Variants in VPS25 observed in about 807,000 individuals in gnomAD.
VPS25 encodes vacuolar protein sorting 25 homolog.
In VPS25, 21 loss-of-function variants were observed where a neutral mutation model predicts 30.3. The ratio of observed to expected loss-of-function variants is 0.69; its 90% CI spans 0.49 to 1.00. The LOEUF is 1.00. Among genes scored for constraint, VPS25 ranks in the 50% least tolerant of loss-of-function variants. VPS25 has a pLI of 0.00. For synonymous variants in VPS25, 101 were observed against 88.1 expected (o/e 1.15, Z -0.82); for missense variants, 156 against 217.2 (o/e 0.72, Z 1.77).
chr17:42,778,062 C>T (rs1297461820), intron 5 of VPS25, among the ~76,000 whole-genome samples: 1 of 152,168 alleles, frequency 6.6e-6, no homozygotes, highest in Admixed American at 6.5e-5. Context: ...AGCTCCCTGA[C>T]TTAGCTGAGC....
chr17:42,776,214 C>T, intron 4 of VPS25, 31 bp from the exon 5 acceptor site: 2 of 1,593,032 alleles, frequency 1.3e-6, no homozygotes. Flanking sequence ...ATTCTTGGTT[C>T]TAATTCACTC....
At position 42,774,650 on chromosome 17, in the gene VPS25, G is replaced by A. The variant is rs537665259; in HGVS notation, c.204G>A (p.Lys68=). The change falls in exon 3 of 6, where the codon AAG becomes AAA. Residue 68 remains lysine, a synonymous_variant. Coordinates refer to ENST00000253794, the MANE Select transcript of VPS25 (RefSeq NM_032353.4). ...GTTCCCTTAACCTTAAACCAGGAAAGCTTCCTGTGGAGTCGATCCAGATTG... is the reference window on the plus strand; with the variant it reads ...GTTCCCTTAACCTTAAACCAGGAAAACTTCCTGTGGAGTCGATCCAGATTG... The part of the protein sequence containing the change: ...PLFNNVKLQR[K]LPVESIQIVL... 82 of 1,612,444 alleles carry A rather than the reference G, an allele frequency of 5.1e-5. No homozygotes were observed. The highest frequency in any genetic ancestry group is 6.8e-5 in the Non-Finnish European group (80 of 1,178,802).
intron 3 of VPS25, chr17:42,775,051 T>G: frequency 2.8e-6 from 1 of 357,834 alleles, no homozygotes; most frequent in Non-Finnish European, 5.1e-6. Context: ...TGATACTTTT[T>G]TTTTGGGTGG....
At chr17:42,774,799 T>G in intron 3 of VPS25, 100 bp downstream of exon 3, 2 of 1,123,200 alleles carry the variant, frequency 1.8e-6, no homozygotes, top group Non-Finnish European at 2.6e-6. Flanking sequence ...TTTTTCTCTC[T>G]CCTGGCTTGA....
At position 42,773,729 on chromosome 17, in the gene VPS25, G is replaced by A. The variant is rs1160100834; in HGVS notation, c.54-4G>A. On this transcript the variant is annotated splice_polypyrimidine_tract_variant and splice_region_variant and intron_variant, in intron 1 of 5. Coordinates refer to ENST00000253794, the MANE Select transcript of VPS25 (RefSeq NM_032353.4). ...TTCTGCGCCCCACTCCCTTCACCCG[G>A]CAGGTTACAACCGAATGTGGACACT... 1.9e-6 allele frequency: 3 copies of A among 1,613,396 alleles called. No individual in the cohort carries two copies. In the Admixed American group the frequency reaches 5.0e-5, roughly 27 times the overall value.
chr17:42,774,527 A>T, intron 2 of VPS25, 119 bp from the exon 3 acceptor site: 1 of 666,466 alleles, frequency 1.5e-6, no homozygotes, highest in Non-Finnish European at 2.6e-6. Context: ...CATGTTGGGA[A>T]ATTGCACACA....
At chr17:42,778,027 A>G (rs1233804915) in intron 5 of VPS25, among the ~76,000 whole-genome samples, 4 of 152,060 alleles carry the variant, frequency 2.6e-5, no homozygotes, top group Admixed American at 6.5e-5. Context: ...AGGTTGGGCA[A>G]AGTTGTAGGT....
chr17:42,774,769 G>C (rs1352618338), intron 3 of VPS25, 70 bp downstream of exon 3: 2 of 1,409,194 alleles, frequency 1.4e-6, no homozygotes, highest in Admixed American at 1.9e-5. Context: ...ATTAGGATAA[G>C]TCTTTTTCCC....
intron 2 of VPS25, 49 bp downstream of exon 2, chr17:42,773,927 CT>C: frequency 6.4e-7 from 1 of 1,574,714 alleles, no homozygotes; most frequent in Non-Finnish European, 8.6e-7. Context: ...CACTTCTGCG[CT>C]TTCACACATG....
chr17:42,774,598 T>G (rs1203803978), intron 2 of VPS25, 48 bp from the exon 3 acceptor site: 2 of 1,577,170 alleles, frequency 1.3e-6, no homozygotes, highest in Non-Finnish European at 1.7e-6. Context: ...CTGAAAATTT[T>G]TATCCTACCC....
At chr17:42,775,744 C>CTG (rs1196613799) in intron 4 of VPS25, among the ~76,000 whole-genome samples, 1 of 152,124 alleles carries the variant, frequency 6.6e-6, no homozygotes, top group African/African-American at 2.4e-5. Context: ...CTATTGTTGG[C>CTG]TGGAGCCTCT....
intron 1 of VPS25, 102 bp from the exon 2 acceptor site, chr17:42,773,631 T>C: frequency 6.2e-7 from 1 of 1,605,618 alleles, no homozygotes; most frequent in African/African-American, 1.3e-5. Flanking sequence ...AAAAGACCCG[T>C]CGGCCAACAC....
chr17:42,774,050 G>GT (rs2054424080), intron 2 of VPS25, 172 bp downstream of exon 2: 1 of 733,378 alleles, frequency 1.4e-6, no homozygotes, highest in Non-Finnish European at 2.2e-6. Flanking sequence ...GGCAAATGCA[G>GT]TACCATACCC....
At position 42,778,966 on chromosome 17, in the gene VPS25, G is replaced by A. The variant is rs533217393; in HGVS notation, c.428G>A (p.Gly143Glu). 1.9e-6 allele frequency: 3 copies of A among 1,613,996 alleles called. No homozygotes were observed. The highest frequency in any genetic ancestry group is 2.5e-6 in the Non-Finnish European group (3 of 1,179,924). Reference protein sequence around the residue: ...GEDTEDEEFHGLDEATLLRAL... With the variant: ...GEDTEDEEFHELDEATLLRAL... ...ATCTCTCCCTGTTCAGAGTTCCACG[G>A]GCTGGATGAAGCCACTCTACTGCGG... The change falls in exon 6 of 6, where the codon GGG becomes GAG. Residue 143 changes from glycine to glutamate, a missense_variant. Coordinates refer to ENST00000253794, the MANE Select transcript of VPS25 (RefSeq NM_032353.4).
chr17:42,775,347 C>T, intron 3 of VPS25, 34 bp from the exon 4 acceptor site: 1 of 1,587,094 alleles, frequency 6.3e-7, no homozygotes, highest in Non-Finnish European at 8.6e-7. Context: ...CCACTGCGCG[C>T]CTGGTTATGC....
At chr17:42,777,835 CA>C (rs1041163286) in intron 5 of VPS25, among the ~76,000 whole-genome samples, 13 of 152,234 alleles carry the variant, frequency 8.5e-5, no homozygotes, top group African/African-American at 3.1e-4. Flanking sequence ...TCCTCTGGAT[CA>C]CCACAAGTTT....
In VPS25 at chr17:42,773,495, G is replaced by A. The variant is rs1279595553; in HGVS notation, c.20G>A (p.Trp7Ter). The A allele has an allele frequency of 6.2e-7, 1 of 1,614,140 alleles. No homozygotes were observed. Among genetic ancestry groups the A allele is most frequent in the Non-Finnish European group, 8.5e-7 (1 of 1,180,010 alleles). The change falls in exon 1 of 6, where the codon TGG becomes TAG. Residue 7 changes from tryptophan (W) to a stop codon, truncating the protein, a stop_gained. Coordinates refer to ENST00000253794, the MANE Select transcript of VPS25 (RefSeq NM_032353.4). LOFTEE classifies it high-confidence loss of function. Reference sequence around the variant, plus strand: ...ACTACGATGGCGATGAGTTTCGAGTGGCCGTGGCAGTATCGCTTCCCACCC... The same window carrying A: ...ACTACGATGGCGATGAGTTTCGAGTAGCCGTGGCAGTATCGCTTCCCACCC... The part of the protein sequence containing the change: MAMSFE[W>*]PWQYRFPPFF...
chr17:42,773,889 T>G lies in VPS25; in HGVS notation c.199+11T>G, dbSNP rs1239243721. 6.2e-7 allele frequency: 1 copy of G among 1,610,590 alleles called. No individual in the cohort carries two copies. ...ACGTCAAGCTACAGCGTATCCTCCCTCAGGCTCTTCCACAGCCCATACACA... is the reference window on the plus strand; with the variant it reads ...ACGTCAAGCTACAGCGTATCCTCCCGCAGGCTCTTCCACAGCCCATACACA... On this transcript the variant is annotated intron_variant, in intron 2 of 5. Transcript: ENST00000253794.
At chr17:42,773,963 C>G (rs755890469) in intron 2 of VPS25, 85 bp downstream of exon 2, 1 of 1,488,700 alleles carries the variant, frequency 6.7e-7, no homozygotes, top group African/African-American at 1.4e-5. Flanking sequence ...CGCGCCAGCC[C>G]CCTTTTACCC....
Sources: gnomAD v4.1 joint callset for allele counts (sites outside exome capture counted in the v4.1 genomes callset) on GRCh38, gnomAD v4.1.1 for gene constraint, MANE v1.5 for transcripts, NCBI Gene and HGNC (gene_info 2026-07-23, HGNC 2026-07-21) for gene names.